Variants in SUGCT observed in about 807,000 individuals in gnomAD.
SUGCT encodes the protein succinyl-CoA:glutarate CoA-transferase.
In SUGCT, 41 loss-of-function variants were observed where a neutral mutation model predicts 55.0. The observed-to-expected ratio is 0.74, with a 90% confidence interval of 0.58 to 0.97. The LOEUF (loss-of-function observed/expected upper bound fraction) is 0.97. SUGCT is among the 50% of genes least tolerant of loss of function. SUGCT has a pLI of 0.00. For missense variants in SUGCT, 568 were observed against 547.8 expected (o/e 1.04, Z -0.37); for synonymous variants, 187 against 200.4 (o/e 0.93, Z 0.56).
At chr7:40,878,239 AT>A in the SUGCT span, among the ~76,000 whole-genome samples, 14 of 152,244 alleles carry the variant, frequency 9.2e-5, no homozygotes, top group East Asian at 2.1e-3. Context: ...GAGAATGCTA[AT>A]TGAAAGATTT....
chr7:40,363,677 AC>A (rs1798265945), intron 9 of SUGCT, among the ~76,000 whole-genome samples: 1 of 152,048 alleles, frequency 6.6e-6, no homozygotes, highest in African/African-American at 2.4e-5. Flanking sequence ...GGTCTGAGAG[AC>A]AGTTTGTTAT....
chr7:40,762,744 C>T lies in SUGCT; in HGVS notation c.1153+13247C>T, dbSNP rs564835335. On this transcript the variant is annotated intron_variant, in intron 13 of 13. Coordinates refer to ENST00000335693, the MANE Select transcript of SUGCT (RefSeq NM_001193313.2). The stretch of plus-strand genomic sequence containing the variant: ...CTATAATTCAGGTTGCCTGAAGCCT[C>T]CAAACATGTTTTCCCCCAAGCTGAA... 9.2e-5 allele frequency among the ~76,000 whole-genome samples: 14 copies of T among 152,100 alleles called. No homozygotes were observed. The East Asian group carries it at 2.7e-3, about 29-fold the overall frequency.
chr7:40,993,026 C>T, the SUGCT span, among the ~76,000 whole-genome samples: 10 of 152,120 alleles, frequency 6.6e-5, no homozygotes, highest in Non-Finnish European at 1.0e-4. Flanking sequence ...ATAGGTTTCT[C>T]AACCTTGGAT....
At chr7:40,190,902 A>C (rs1294662465) in intron 5 of SUGCT, among the ~76,000 whole-genome samples, 1 of 152,108 alleles carries the variant, frequency 6.6e-6, no homozygotes, top group Non-Finnish European at 1.5e-5. Context: ...TGAATACTGC[A>C]TTTTCCATCC....
intron 12 of SUGCT, among the ~76,000 whole-genome samples, chr7:40,585,953 TA>T (rs2151721861): frequency 6.6e-6 from 1 of 152,304 alleles, no homozygotes; most frequent in Admixed American, 6.5e-5. Flanking sequence ...GTGCTAGGGT[TA>T]CAGGTGAGAG....
Position 40,205,234 on chromosome 7 carries a change from G to A in SUGCT, c.484+10174G>A, listed in dbSNP as rs369836376. On this transcript the variant is annotated intron_variant, in intron 6 of 13. Coordinates refer to ENST00000335693, the MANE Select transcript of SUGCT (RefSeq NM_001193313.2). Reference sequence around the variant, plus strand: ...TGCACCACTGCACTCCAGCCTGGGCGACAGAGCAAGACTCTGTCTCAACAA... The same window carrying A: ...TGCACCACTGCACTCCAGCCTGGGCAACAGAGCAAGACTCTGTCTCAACAA... Among the ~76,000 whole-genome samples the A allele has an allele frequency of 5.9e-5, 9 of 152,208 alleles. No homozygotes were observed. In the East Asian group the frequency reaches 1.2e-3, roughly 20 times the overall value.
At chr7:40,886,950 G>C in the SUGCT span, among the ~76,000 whole-genome samples, 1 of 152,166 alleles carries the variant, frequency 6.6e-6, no homozygotes, top group South Asian at 2.1e-4. Context: ...GAGAGAGTAG[G>C]AACAATTATA....
At position 40,273,385 on chromosome 7, in the gene SUGCT, G is replaced by T. The variant is rs528723744; in HGVS notation, c.577-1128G>T. On this transcript the variant is annotated intron_variant, in intron 7 of 13. Coordinates refer to ENST00000335693, the MANE Select transcript of SUGCT (RefSeq NM_001193313.2). Reference sequence around the variant, plus strand: ...TTCAACAGAAGCTAGACTTAATAAGGAGGTAATTGAATCACTGCATCAGCC... The same window carrying T: ...TTCAACAGAAGCTAGACTTAATAAGTAGGTAATTGAATCACTGCATCAGCC... Among the ~76,000 whole-genome samples, 15 of 152,290 alleles carry T rather than the reference G, an allele frequency of 9.8e-5. No individual in the cohort carries two copies. The South Asian group carries it at 2.9e-3, about 29-fold the overall frequency.
intron 12 of SUGCT, among the ~76,000 whole-genome samples, chr7:40,727,565 A>G (rs1051624083): frequency 6.6e-6 from 1 of 152,230 alleles, no homozygotes; most frequent in African/African-American, 2.4e-5. Context: ...GCTGAAGCTC[A>G]GCAAGAAATA....
chr7:40,272,848 C>T (rs556286055), intron 7 of SUGCT, among the ~76,000 whole-genome samples: 190 of 151,028 alleles, frequency 1.3e-3, no homozygotes, highest in Middle Eastern at 3.4e-3. Flanking sequence ...TCAGTAGAGA[C>T]GGGGTTTCAC....
chr7:40,344,424 T>A (rs569467112), intron 9 of SUGCT, among the ~76,000 whole-genome samples: 3 of 152,276 alleles, frequency 2.0e-5, no homozygotes, highest in African/African-American at 4.8e-5. Context: ...ATGTGACCCA[T>A]GAGCTACGAA....
At chr7:40,955,754 T>C in the SUGCT span, among the ~76,000 whole-genome samples, 1 of 152,212 alleles carries the variant, frequency 6.6e-6, no homozygotes, top group Non-Finnish European at 1.5e-5. Flanking sequence ...CAGTATGATA[T>C]TGGCTGTGGG....
intron 13 of SUGCT, among the ~76,000 whole-genome samples, chr7:40,831,991 G>A (rs1256803923): frequency 1.3e-5 from 2 of 152,286 alleles, no homozygotes; most frequent in East Asian, 3.9e-4. Flanking sequence ...CAGTTTCAGG[G>A]CAACAGCACA....
At chr7:40,212,044 G>T (rs1461698495) in intron 6 of SUGCT, among the ~76,000 whole-genome samples, 1 of 151,938 alleles carries the variant, frequency 6.6e-6, no homozygotes, top group Non-Finnish European at 1.5e-5. Flanking sequence ...AAATACTCTA[G>T]ATCTGGGGCC....
intron 13 of SUGCT, among the ~76,000 whole-genome samples, chr7:40,814,056 C>T (rs1791549964): frequency 6.6e-6 from 1 of 152,136 alleles, no homozygotes; most frequent in African/African-American, 2.4e-5. Flanking sequence ...TCTCTCCTGG[C>T]TTATAAGGTT....
intron 13 of SUGCT, among the ~76,000 whole-genome samples, chr7:40,830,986 T>C (rs1792635650): frequency 6.6e-6 from 1 of 152,214 alleles, no homozygotes; most frequent in Non-Finnish European, 1.5e-5. Context: ...TTTACACAAT[T>C]TGATCTTCAC....
At chr7:40,732,940 T>C (rs1346783875) in intron 12 of SUGCT, among the ~76,000 whole-genome samples, 1 of 152,028 alleles carries the variant, frequency 6.6e-6, no homozygotes, top group Non-Finnish European at 1.5e-5. Context: ...AAATACATAG[T>C]GGCGCATGTC....
chr7:40,721,823 T>C (rs2128685752), intron 12 of SUGCT, among the ~76,000 whole-genome samples: 1 of 152,348 alleles, frequency 6.6e-6, no homozygotes, highest in Admixed American at 6.5e-5. Flanking sequence ...ATGTGTACAA[T>C]CTGTGAAGGG....
chr7:40,323,079 A>G (rs1795838844), intron 9 of SUGCT, among the ~76,000 whole-genome samples: 2 of 152,286 alleles, frequency 1.3e-5, no homozygotes, highest in Middle Eastern at 6.8e-3. Flanking sequence ...GCCATCTGTT[A>G]TCACCTGGAC....
Sources: allele counts gnomAD v4.1 joint callset (sites outside exome capture counted in the v4.1 genomes callset), GRCh38; gene constraint gnomAD v4.1.1; transcripts MANE v1.5; gene names NCBI Gene and HGNC (gene_info 2026-07-23, HGNC 2026-07-21).